Variants in ACTR3C observed in about 807,000 individuals in gnomAD.
ACTR3C encodes the protein actin related protein 3C.
A neutral mutation model predicts 26.3 loss-of-function variants in ACTR3C; 18 were observed. The ratio of observed to expected loss-of-function variants is 0.68; its 90% confidence interval spans 0.47 to 1.01. The LOEUF is 1.01. Among genes scored for constraint, ACTR3C ranks in the 50% least tolerant of loss-of-function variants. The pLI is 0.00. For synonymous variants in ACTR3C, 55 were observed against 94.5 expected (o/e 0.58, Z 2.42); for missense variants, 184 against 250.7 (o/e 0.73, Z 1.80).
chr7:149,918,329 C>T, the ACTR3C span, among the ~76,000 whole-genome samples: 1 of 152,060 alleles, frequency 6.6e-6, no homozygotes, highest in African/African-American at 2.4e-5. Context: ...TATCTAATTT[C>T]ACTCTTTCCC....
the ACTR3C span, among the ~76,000 whole-genome samples, chr7:149,968,838 G>A: frequency 1.3e-5 from 2 of 152,308 alleles, no homozygotes; most frequent in East Asian, 1.9e-4. Context: ...AGAGAGGCCC[G>A]CTGTGCCTGT....
At chr7:150,206,018 G>A in the ACTR3C span, among the ~76,000 whole-genome samples, 4 of 152,258 alleles carry the variant, frequency 2.6e-5, no homozygotes, top group Admixed American at 2.0e-4. Context: ...TCAGAACACT[G>A]AGAGTTGGAA....
chr7:150,119,549 A>G, the ACTR3C span, among the ~76,000 whole-genome samples: 1 of 152,208 alleles, frequency 6.6e-6, no homozygotes, highest in Non-Finnish European at 1.5e-5. Context: ...CTAAATATAT[A>G]TGCACCCAAT....
chr7:150,222,562 C>G, the ACTR3C span, among the ~76,000 whole-genome samples: 1 of 152,170 alleles, frequency 6.6e-6, no homozygotes, highest in African/African-American at 2.4e-5. Flanking sequence ...TCTGTGATTA[C>G]TTGTGTATTT....
chr7:150,239,078 C>T (rs1189285761), downstream of ACTR3C, among the ~76,000 whole-genome samples: 1 of 151,930 alleles, frequency 6.6e-6, no homozygotes, highest in African/African-American at 2.4e-5. Flanking sequence ...CTGTATGTCC[C>T]TTATATATAC....
chr7:150,310,940 C>T (rs1223271036), intron 1 of ACTR3C, among the ~76,000 whole-genome samples: 2 of 152,094 alleles, frequency 1.3e-5, no homozygotes, highest in Non-Finnish European at 2.9e-5. Context: ...TTACATATCT[C>T]GGCATAGTCC....
intron 6 of ACTR3C, among the ~76,000 whole-genome samples, chr7:150,255,539 G>A (rs1259264196): frequency 1.3e-5 from 2 of 152,080 alleles, no homozygotes; most frequent in African/African-American, 2.4e-5. Flanking sequence ...TCAGAGTACA[G>A]AGTCAAGTTC....
At chr7:150,064,565 C>CAA in the ACTR3C span, among the ~76,000 whole-genome samples, 5 of 139,832 alleles carry the variant, frequency 3.6e-5, no homozygotes, top group African/African-American at 1.3e-4. Context: ...GACTTGATCT[C>CAA]AAAAAAAAAA....
chr7:150,025,975 G>A, the ACTR3C span, among the ~76,000 whole-genome samples: 12 of 152,064 alleles, frequency 7.9e-5, no homozygotes, highest in Non-Finnish European at 1.2e-4. Context: ...CGAGGCCTTC[G>A]GAGGGTCACT....
At chr7:150,160,964 G>C in the ACTR3C span, among the ~76,000 whole-genome samples, 1 of 149,524 alleles carries the variant, frequency 6.7e-6, no homozygotes, top group East Asian at 2.0e-4. Flanking sequence ...GCTGGGAACA[G>C]AGACTCTGTA....
chr7:150,074,130 C>T, the ACTR3C span: 1 of 152,188 alleles, frequency 6.6e-6, no homozygotes, highest in African/African-American at 2.4e-5. Flanking sequence ...CGTCACACTC[C>T]AGGCCCAGGC....
At chr7:149,983,449 G>GTGTGTATATA in the ACTR3C span, among the ~76,000 whole-genome samples, 13 of 23,324 alleles carry the variant, frequency 5.6e-4, 1 homozygote, top group South Asian at 4.0e-3. Context: ...GTGTGTGTGT[G>GTGTGTATATA]TATATATATA....
the ACTR3C span, among the ~76,000 whole-genome samples, chr7:149,973,073 G>A: frequency 6.6e-6 from 1 of 151,928 alleles, no homozygotes; most frequent in Non-Finnish European, 1.5e-5. Context: ...AGTGTCCCCA[G>A]GTAAGCCCCA....
the ACTR3C span, among the ~76,000 whole-genome samples, chr7:150,105,595 G>C: frequency 2.6e-5 from 4 of 152,016 alleles, no homozygotes; most frequent in East Asian, 3.8e-4. Flanking sequence ...CCATGTCACC[G>C]GTCACTCTGA....
the ACTR3C span, among the ~76,000 whole-genome samples, chr7:149,985,816 G>A: frequency 6.6e-6 from 1 of 152,150 alleles, no homozygotes. Flanking sequence ...GCTTGAGCTC[G>A]AAGTCCCCAT....
At chr7:150,123,637 ACT>A in the ACTR3C span, among the ~76,000 whole-genome samples, 2 of 151,784 alleles carry the variant, frequency 1.3e-5, no homozygotes, top group African/African-American at 2.4e-5. Context: ...ATTGGTACCT[ACT>A]TAATGCAAGT....
At chr7:150,165,643 C>A in the ACTR3C span, among the ~76,000 whole-genome samples, 746 of 152,242 alleles carry the variant, frequency 4.9e-3, 4 homozygotes, top group South Asian at 0.013. Context: ...TCAACAGTGT[C>A]TCCCAGCAGA....
At chr7:149,990,840 C>A in the ACTR3C span, among the ~76,000 whole-genome samples, 3 of 152,176 alleles carry the variant, frequency 2.0e-5, no homozygotes, top group Non-Finnish European at 4.4e-5. Flanking sequence ...TGTGGGAGCA[C>A]AGTGTATTCA....
At chr7:150,191,974 C>T in the ACTR3C span, among the ~76,000 whole-genome samples, 3 of 151,868 alleles carry the variant, frequency 2.0e-5, no homozygotes, top group African/African-American at 7.3e-5. Flanking sequence ...ATTTTTGTGT[C>T]TATTGCAATA....
Sources: allele counts gnomAD v4.1 joint callset (sites outside exome capture counted in the v4.1 genomes callset), GRCh38; gene constraint gnomAD v4.1.1; transcripts MANE v1.5; gene names NCBI Gene and HGNC (gene_info 2026-07-23, HGNC 2026-07-21).